The following THEMIS variants were observed in gnomAD, a reference collection of about 807,000 sequenced individuals.
THEMIS encodes thymocyte selection associated.
Under a neutral mutation model 52.6 loss-of-function variants are expected in THEMIS, and 37 were observed. The ratio of observed to expected loss-of-function variants is 0.70; its 90% CI spans 0.54 to 0.93. THEMIS has a LOEUF of 0.93. Among genes scored for constraint, THEMIS ranks in the 40% least tolerant of loss-of-function variants. The pLI is 0.00. For missense variants in THEMIS, 808 were observed against 763.1 expected (o/e 1.06, Z -0.69); for synonymous variants, 292 against 272.7 (o/e 1.07, Z -0.70).
intron 2 of THEMIS, among the ~76,000 whole-genome samples, chr6:127,840,074 C>G (rs1778996251): frequency 6.6e-6 from 1 of 152,022 alleles, no homozygotes; most frequent in Non-Finnish European, 1.5e-5. Context: ...CTCAAAAAAG[C>G]AGTTAGATTG....
upstream of THEMIS, among the ~76,000 whole-genome samples, chr6:127,902,497 G>A (rs972980822): frequency 6.6e-6 from 1 of 151,966 alleles, no homozygotes; most frequent in Non-Finnish European, 1.5e-5. Context: ...GGACATCTCA[G>A]TTCTACCATG....
chr6:127,699,130 C>G, the THEMIS span, among the ~76,000 whole-genome samples: 16 of 151,910 alleles, frequency 1.1e-4, no homozygotes, highest in East Asian at 3.1e-3. Context: ...GAAATCTAGT[C>G]TCTTTCAAGG....
intron 4 of THEMIS, among the ~76,000 whole-genome samples, chr6:127,804,326 T>G (rs958923344): frequency 1.3e-5 from 2 of 152,182 alleles, no homozygotes; most frequent in African/African-American, 4.8e-5. Flanking sequence ...ATATGAGGAC[T>G]GAGGATTGAC....
chr6:127,891,878 C>T (rs1050979115), intron 1 of THEMIS, among the ~76,000 whole-genome samples: 4 of 152,122 alleles, frequency 2.6e-5, no homozygotes, highest in African/African-American at 4.8e-5. Context: ...TTTATATGTG[C>T]TCAAGGTACA....
intron 1 of THEMIS, among the ~76,000 whole-genome samples, chr6:127,878,021 C>T (rs1483011678): frequency 6.6e-6 from 1 of 152,160 alleles, no homozygotes; most frequent in East Asian, 1.9e-4. Context: ...CATGCAAAGA[C>T]TAATCAAAGG....
In THEMIS at chr6:127,874,975, G is replaced by A. The variant is rs558675812; in HGVS notation, c.92-19787C>T. ...GAGCTTCACCTTTCATCAGATCAGC[G>A]GGCATTAGATTCTCCTAGGAGCAGA... On this transcript the variant is annotated intron_variant, in intron 1 of 5. Transcript: ENST00000368248. Among the ~76,000 whole-genome samples, 11 of 152,332 alleles carry A rather than the reference G, an allele frequency of 7.2e-5. No homozygotes were observed. The South Asian group carries it at 1.7e-3, about 23-fold the overall frequency.
intron 1 of THEMIS, among the ~76,000 whole-genome samples, chr6:127,875,518 A>G (rs1232414777): frequency 1.3e-5 from 2 of 152,222 alleles, no homozygotes; most frequent in African/African-American, 4.8e-5. Context: ...GGGACTCCAC[A>G]GTGGAACTAT....
intron 2 of THEMIS, among the ~76,000 whole-genome samples, chr6:127,851,109 A>G (rs270026): frequency 0.37 from 55,962 of 151,328 alleles, 10,930 homozygotes; most frequent in Middle Eastern, 0.48. Context: ...GGGGCAGAGG[A>G]AAAAAAGTAT....
At chr6:127,854,884 TG>T in intron 2 of THEMIS, 145 bp downstream of exon 2, 1 of 602,652 alleles carries the variant, frequency 1.7e-6, no homozygotes, top group Non-Finnish European at 2.5e-6. Context: ...GTTCTTAAAA[TG>T]ATCAAACTAT....
chr6:127,833,489 T>C (rs1175710369), intron 2 of THEMIS, among the ~76,000 whole-genome samples: 1 of 152,224 alleles, frequency 6.6e-6, no homozygotes, highest in South Asian at 2.1e-4. Flanking sequence ...AATCTCAATC[T>C]GAGCTTTGAC....
chr6:127,745,945 C>A (rs1273656429), intron 4 of THEMIS, among the ~76,000 whole-genome samples: 2 of 151,760 alleles, frequency 1.3e-5, no homozygotes, highest in Non-Finnish European at 3.0e-5. Context: ...TTGTTTAAAC[C>A]TATTCTCCTT....
chr6:127,784,213 A>C (rs1158792468), intron 4 of THEMIS, among the ~76,000 whole-genome samples: 2 of 152,126 alleles, frequency 1.3e-5, no homozygotes, highest in Non-Finnish European at 2.9e-5. Context: ...ACGGAGGGGA[A>C]CATCACACAC....
chr6:127,832,432 T>C (rs1382776906), intron 2 of THEMIS, among the ~76,000 whole-genome samples: 1 of 152,150 alleles, frequency 6.6e-6, no homozygotes, highest in Non-Finnish European at 1.5e-5. Context: ...CATTCCTTTT[T>C]AAAAACAGCC....
At chr6:127,719,571 C>CA (rs779743799) in intron 5 of THEMIS, 117 bp downstream of exon 5, 7 of 869,172 alleles carry the variant, frequency 8.1e-6, no homozygotes, top group Non-Finnish European at 1.2e-5. Flanking sequence ...GCAGGGTGAT[C>CA]ACTTGGGCTG....
chr6:127,868,784 G>A (rs951487043), intron 1 of THEMIS, among the ~76,000 whole-genome samples: 3 of 152,124 alleles, frequency 2.0e-5, no homozygotes, highest in Non-Finnish European at 4.4e-5. Context: ...ATTATACCAG[G>A]CAAGGGTAGA....
chr6:127,747,242 T>G (rs1775476562), intron 4 of THEMIS, among the ~76,000 whole-genome samples: 2 of 139,870 alleles, frequency 1.4e-5, no homozygotes, highest in Non-Finnish European at 3.1e-5. Context: ...ATATGCATAT[T>G]ATAGCTATCT....
chr6:127,774,947 G>C (rs1284553126), intron 4 of THEMIS, among the ~76,000 whole-genome samples: 2 of 152,094 alleles, frequency 1.3e-5, no homozygotes, highest in Non-Finnish European at 2.9e-5. Flanking sequence ...CTTACGATGA[G>C]GAGACATGAT....
At chr6:127,726,399 C>T (rs2114505986) in intron 4 of THEMIS, among the ~76,000 whole-genome samples, 1 of 152,218 alleles carries the variant, frequency 6.6e-6, no homozygotes, top group South Asian at 2.1e-4. Context: ...AGAAAAACCA[C>T]CCTTGCTGTA....
At chr6:127,888,540 C>T (rs1050061542) in intron 1 of THEMIS, among the ~76,000 whole-genome samples, 1 of 151,948 alleles carries the variant, frequency 6.6e-6, no homozygotes, top group East Asian at 1.9e-4. Flanking sequence ...TAACAGAATA[C>T]ATCAAAATGT....
Sources: gnomAD v4.1 joint callset for allele counts (sites outside exome capture counted in the v4.1 genomes callset) on GRCh38, gnomAD v4.1.1 for gene constraint, MANE v1.5 for transcripts, NCBI Gene and HGNC (gene_info 2026-07-23, HGNC 2026-07-21) for gene names.